ELP4: variants seen among roughly 807,000 people sequenced by gnomAD.
ELP4 encodes the protein elongator complex protein 4.
ELP4 carries 51 observed loss-of-function variants against 48.9 expected under a neutral mutation model. That is an observed-to-expected ratio of 1.04 (90% CI 0.83 to 1.32). The LOEUF is 1.32. Among genes scored for constraint, ELP4 ranks in the 40% most tolerant of loss-of-function variants. The pLI is 0.00. For missense variants in ELP4, 519 were observed against 514.6 expected (o/e 1.01, Z -0.08); for synonymous variants, 210 against 189.2 (o/e 1.11, Z -0.90).
chr11:31,585,748 G>A (rs954775074), intron 3 of ELP4, among the ~76,000 whole-genome samples: 1 of 152,198 alleles, frequency 6.6e-6, no homozygotes, highest in Non-Finnish European at 1.5e-5. Context: ...TAAATTAGCA[G>A]CAGTAACAGG....
chr11:31,738,123 C>T (rs187326545), intron 9 of ELP4, among the ~76,000 whole-genome samples: 7 of 149,550 alleles, frequency 4.7e-5, no homozygotes, highest in Non-Finnish European at 8.9e-5. Context: ...CAGCCAGGCA[C>T]GGTGGCTCAA....
chr11:31,706,340 G>C (rs1946631238), intron 9 of ELP4, among the ~76,000 whole-genome samples: 2 of 151,384 alleles, frequency 1.3e-5, no homozygotes, highest in Non-Finnish European at 2.9e-5. Context: ...TAGAGTACTA[G>C]AACTTAAGGC....
intron 2 of ELP4, among the ~76,000 whole-genome samples, chr11:31,531,188 A>C (rs928330188): frequency 6.6e-6 from 1 of 152,248 alleles, no homozygotes; most frequent in Non-Finnish European, 1.5e-5. Context: ...AGTGATAACT[A>C]TTATAGAATA....
chr11:31,632,539 T>A lies in ELP4; in HGVS notation c.927+134T>A, dbSNP rs1214604001. ...GTGCTTTCTGGCCATTTGCATGTCT[T>A]CTTTTGTCTGTCTTTTGTCCATTTT... On this transcript the variant is annotated intron_variant, in intron 7 of 9. Coordinates refer to ENST00000640961, the MANE Select transcript of ELP4 (RefSeq NM_019040.5). The A allele has an allele frequency of 6.6e-6, 4 of 608,484 alleles. No individual in the cohort carries two copies. In the South Asian group the frequency reaches 1.5e-4, roughly 22 times the overall value. 37.7% of individuals were successfully genotyped at this position (608,484 alleles called of 1,614,324 possible).
chr11:31,639,961 A>G (rs992878529), intron 7 of ELP4, among the ~76,000 whole-genome samples: 4 of 151,966 alleles, frequency 2.6e-5, no homozygotes, highest in Non-Finnish European at 5.9e-5. Context: ...TATCAATGAT[A>G]TAAATAGTGA....
intron 9 of ELP4, among the ~76,000 whole-genome samples, chr11:31,757,643 CTTA>C (rs931514961): frequency 1.3e-5 from 2 of 152,162 alleles, no homozygotes; most frequent in African/African-American, 4.8e-5. Context: ...GTTGAAAACA[CTTA>C]TGCATGTGCT....
chr11:31,782,320 C>T (rs1367678957), intron 9 of ELP4, among the ~76,000 whole-genome samples: 3 of 151,946 alleles, frequency 2.0e-5, no homozygotes, highest in African/African-American at 4.8e-5. Flanking sequence ...ATCTGTTTTT[C>T]CCCCCCATAT....
intron 5 of ELP4, among the ~76,000 whole-genome samples, chr11:31,608,685 T>C (rs984490985): frequency 6.6e-6 from 1 of 151,930 alleles, no homozygotes; most frequent in African/African-American, 2.4e-5. Context: ...TGAATTTGGC[T>C]AAAATGTTTC....
chr11:31,630,227 CT>C (rs11441798), intron 6 of ELP4, among the ~76,000 whole-genome samples: 9,880 of 128,352 alleles, frequency 0.077, 381 homozygotes, highest in Non-Finnish European at 0.11. Context: ...TTCTAAAATC[CT>C]TTTTTTTTTT....
intron 1 of ELP4, among the ~76,000 whole-genome samples, chr11:31,518,477 A>C (rs898417531): frequency 2.0e-5 from 3 of 147,012 alleles, no homozygotes; most frequent in Admixed American, 6.9e-5. Flanking sequence ...TTTCATGATT[A>C]TATTACCATA....
intron 3 of ELP4, among the ~76,000 whole-genome samples, chr11:31,582,893 G>T (rs1199769999): frequency 6.6e-6 from 1 of 152,092 alleles, no homozygotes; most frequent in African/African-American, 2.4e-5. Context: ...CTGTGGTGGG[G>T]GCGGGGTGGG....
intron 3 of ELP4, among the ~76,000 whole-genome samples, chr11:31,576,267 G>A (rs149649282): frequency 0.026 from 4,029 of 152,202 alleles, 169 homozygotes; most frequent in African/African-American, 0.092. Context: ...TGCACCCAAT[G>A]CAGGAGCACC....
chr11:31,531,189 T>G (rs1956390079), intron 2 of ELP4, among the ~76,000 whole-genome samples: 1 of 152,240 alleles, frequency 6.6e-6, no homozygotes, highest in Admixed American at 6.5e-5. Flanking sequence ...GTGATAACTA[T>G]TATAGAATAT....
chr11:31,615,080 A>C (rs1958052364), intron 5 of ELP4, among the ~76,000 whole-genome samples: 1 of 152,120 alleles, frequency 6.6e-6, no homozygotes, highest in Non-Finnish European at 1.5e-5. Context: ...CCTTGTTTGT[A>C]GGAATCATAT....
At position 31,509,791 on chromosome 11, in the gene ELP4, G is replaced by A. The variant is rs1955943499; in HGVS notation, c.7G>A (p.Ala3Thr). The change falls in exon 1 of 10, where the codon GCA becomes ACA. Residue 3 changes from alanine to threonine, a missense_variant. Transcript: ENST00000640961. MA[A>T]VATCGSVAAS... is the part of the protein sequence containing the mutation. ...TAACACTGGAGGCTCTAAGATGGCG[G>A]CAGTGGCAACCTGCGGTAGTGTTGC... The A allele has an allele frequency of 1.2e-6, 2 of 1,613,914 alleles. No homozygotes were observed. The highest frequency in any genetic ancestry group is 1.7e-5 in the Admixed American group (1 of 60,012).
chr11:31,568,096 A>C (rs551159450), intron 3 of ELP4, among the ~76,000 whole-genome samples: 6 of 152,202 alleles, frequency 3.9e-5, no homozygotes, highest in Admixed American at 2.6e-4. Flanking sequence ...CTGATAAATG[A>C]CTTCAGTAAA....
rs564931438 is a variant in ELP4 at position 31,682,571 on chromosome 11, A to G, written c.1143+32350A>G. Among the ~76,000 whole-genome samples, 8 of 152,220 alleles carry G rather than the reference A, an allele frequency of 5.3e-5. No individual in the cohort carries two copies. The South Asian group carries it at 1.7e-3, about 32-fold the overall frequency. On this transcript the variant is annotated intron_variant, in intron 9 of 9. Coordinates refer to ENST00000640961, the MANE Select transcript of ELP4 (RefSeq NM_019040.5). Reference sequence around the variant, plus strand: ...CATTGTTCAGTTCCCTCATTTTTGTACATTTTGTATGATACTGTATTAGCT... The same window carrying G: ...CATTGTTCAGTTCCCTCATTTTTGTGCATTTTGTATGATACTGTATTAGCT...
chr11:31,546,489 T>G (rs1466711135), intron 3 of ELP4, among the ~76,000 whole-genome samples: 3 of 152,086 alleles, frequency 2.0e-5, no homozygotes, highest in Non-Finnish European at 4.4e-5. Context: ...ATAAAGCAAG[T>G]CCTTAGTGAC....
rs753884944 is a variant in ELP4, at chr11:31,509,964, G to T, written c.180G>T (p.Gln60His). ...AGTRPSVRNGQLLVSTGLPAL... is the reference protein window; with the variant it reads ...AGTRPSVRNGHLLVSTGLPAL... The stretch of plus-strand genomic sequence containing the variant: ...CGCGACCGTCGGTGCGGAATGGACA[G>T]CTGCTGGTATCAACCGGGCTCCCAG... Residue 60 changes from glutamine to histidine, a missense_variant, in exon 1 of 10, where the codon CAG becomes CAT. Transcript: ENST00000640961. 5.6e-6 allele frequency: 9 copies of T among 1,612,946 alleles called. No individual in the cohort carries two copies. Among genetic ancestry groups the T allele is most frequent in the Non-Finnish European group, 7.6e-6 (9 of 1,180,030 alleles).
Sources: allele counts gnomAD v4.1 joint callset (sites outside exome capture counted in the v4.1 genomes callset), GRCh38; gene constraint gnomAD v4.1.1; transcripts MANE v1.5; gene names NCBI Gene and HGNC (gene_info 2026-07-23, HGNC 2026-07-21).